The following ADAMTSL1 variants were observed in gnomAD, a reference collection of about 807,000 sequenced individuals.
ADAMTSL1 encodes ADAMTS like 1.
ADAMTSL1 carries 126 observed loss-of-function variants against 201.8 expected under a neutral mutation model. The observed-to-expected ratio is 0.62, with a 90% confidence interval of 0.54 to 0.72. The LOEUF is 0.72. Among genes scored for constraint, ADAMTSL1 ranks in the 30% least tolerant of loss-of-function variants. ADAMTSL1 has a pLI of 0.00. For synonymous variants in ADAMTSL1, 1,121 were observed against 903.4 expected (o/e 1.24, Z -4.32); for missense variants, 2,679 against 2,277.8 (o/e 1.18, Z -3.59).
intron 2 of ADAMTSL1, among the ~76,000 whole-genome samples, chr9:18,375,417 C>G (rs974750108): frequency 6.6e-6 from 1 of 152,038 alleles, no homozygotes; most frequent in Admixed American, 6.6e-5. Flanking sequence ...CTTTACCTGC[C>G]TTAGGTAGAC....
chr9:18,173,823 G>T (rs557617340), intron 2 of ADAMTSL1, among the ~76,000 whole-genome samples: 6 of 152,000 alleles, frequency 3.9e-5, no homozygotes, highest in Non-Finnish European at 7.4e-5. Flanking sequence ...GCATTTTCAC[G>T]TTTCATATTG....
intron 2 of ADAMTSL1, among the ~76,000 whole-genome samples, chr9:18,275,096 A>G (rs184709687): frequency 6.6e-6 from 1 of 152,138 alleles, no homozygotes; most frequent in South Asian, 2.1e-4. Flanking sequence ...TCTGGGCAAA[A>G]TTTGTATTTG....
At chr9:18,457,672 T>C (rs1170558337) in intron 2 of ADAMTSL1, among the ~76,000 whole-genome samples, 1 of 152,158 alleles carries the variant, frequency 6.6e-6, no homozygotes, top group East Asian at 1.9e-4. Flanking sequence ...CTTCCAGAAC[T>C]TCCCTTCCTG....
intron 20 of ADAMTSL1, chr9:18,796,888 T>G (rs1433825): frequency 0.12 from 18,576 of 152,228 alleles, 1,629 homozygotes; most frequent in African/African-American, 0.24. Flanking sequence ...CTGACATCTT[T>G]CCACTTGCTG....
At chr9:18,469,702 C>A (rs6475220), upstream of ADAMTSL1, among the ~76,000 whole-genome samples, 81,232 of 152,134 alleles carry the variant, frequency 0.53, 21,798 homozygotes, top group Admixed American at 0.55. Context: ...CACCTGCAAA[C>A]ATAGCAACTG....
upstream of ADAMTSL1, among the ~76,000 whole-genome samples, chr9:18,473,611 T>G (rs1293238041): frequency 1.3e-5 from 2 of 152,200 alleles, no homozygotes; most frequent in East Asian, 3.9e-4. Flanking sequence ...AGGAACTTTA[T>G]GGAGGCGAAA....
At chr9:18,417,886 G>A (rs907268240) in intron 2 of ADAMTSL1, among the ~76,000 whole-genome samples, 2 of 152,120 alleles carry the variant, frequency 1.3e-5, no homozygotes, top group African/African-American at 4.8e-5. Context: ...AAGCCAGAAT[G>A]AGGCTGATAC....
At chr9:18,131,392 G>A (rs970196731) in intron 1 of ADAMTSL1, among the ~76,000 whole-genome samples, 18 of 152,148 alleles carry the variant, frequency 1.2e-4, no homozygotes, top group Admixed American at 6.6e-5. Context: ...CAGCATTACT[G>A]AAGTCAAGGT....
At chr9:18,293,664 G>A (rs1833361641) in intron 2 of ADAMTSL1, among the ~76,000 whole-genome samples, 1 of 152,224 alleles carries the variant, frequency 6.6e-6, no homozygotes, top group Admixed American at 6.5e-5. Flanking sequence ...CACTTCATAT[G>A]CAATTTGGCC....
chr9:18,780,600 C>A (rs1158431246), intron 19 of ADAMTSL1, among the ~76,000 whole-genome samples: 1 of 152,118 alleles, frequency 6.6e-6, no homozygotes, highest in Non-Finnish European at 1.5e-5. Flanking sequence ...AAGCCTCCCT[C>A]TTCCCCCCAA....
chr9:18,404,934 T>C (rs1397733773), intron 2 of ADAMTSL1, among the ~76,000 whole-genome samples: 3 of 152,176 alleles, frequency 2.0e-5, no homozygotes, highest in African/African-American at 7.2e-5. Context: ...GGTTCATCTC[T>C]CTCTGTCTCT....
At chr9:18,585,222 A>C (rs1823405496) in intron 4 of ADAMTSL1, among the ~76,000 whole-genome samples, 1 of 152,130 alleles carries the variant, frequency 6.6e-6, no homozygotes, top group Non-Finnish European at 1.5e-5. Flanking sequence ...TTGCTATTCC[A>C]TTTATGAAGT....
chr9:18,891,423 T>TC (rs1829263848), intron 25 of ADAMTSL1, among the ~76,000 whole-genome samples: 1 of 152,190 alleles, frequency 6.6e-6, no homozygotes, highest in Non-Finnish European at 1.5e-5. Context: ...TCTCGCGATT[T>TC]CCCCAAGCTC....
At chr9:18,211,286 G>A (rs906430840) in intron 2 of ADAMTSL1, among the ~76,000 whole-genome samples, 6 of 151,534 alleles carry the variant, frequency 4.0e-5, no homozygotes, top group African/African-American at 1.5e-4. Context: ...TTTTGTGATC[G>A]TGACCACCCA....
chr9:17,946,472 A>G (rs1043669503), intron 1 of ADAMTSL1, among the ~76,000 whole-genome samples: 1 of 152,124 alleles, frequency 6.6e-6, no homozygotes, highest in Admixed American at 6.6e-5. Context: ...TTTAGAAGAC[A>G]TTCTTTACTA....
intron 1 of ADAMTSL1, among the ~76,000 whole-genome samples, chr9:17,984,701 C>A (rs1371105894): frequency 6.6e-6 from 1 of 152,114 alleles, no homozygotes; most frequent in Admixed American, 6.5e-5. Flanking sequence ...GGATCCTAGG[C>A]TTGCAAGATT....
At chr9:17,933,371 C>T (rs968593669) in intron 1 of ADAMTSL1, among the ~76,000 whole-genome samples, 2 of 152,106 alleles carry the variant, frequency 1.3e-5, no homozygotes, top group Non-Finnish European at 2.9e-5. Flanking sequence ...AAGATAATCT[C>T]CTCATCTGAA....
At chr9:18,410,724 T>G (rs1818401923) in intron 2 of ADAMTSL1, among the ~76,000 whole-genome samples, 1 of 152,232 alleles carries the variant, frequency 6.6e-6, no homozygotes, top group Admixed American at 6.5e-5. Context: ...TGCATTCCTT[T>G]GGGTATATAC....
chr9:18,598,703 G>A (rs866583715), intron 4 of ADAMTSL1, among the ~76,000 whole-genome samples: 3 of 152,100 alleles, frequency 2.0e-5, no homozygotes, highest in Non-Finnish European at 4.4e-5. Context: ...GAAATGCCGA[G>A]TGCAAACCCA....
Sources: allele counts gnomAD v4.1 joint callset (sites outside exome capture counted in the v4.1 genomes callset), GRCh38; gene constraint gnomAD v4.1.1; transcripts MANE v1.5; gene names NCBI Gene and HGNC (gene_info 2026-07-23, HGNC 2026-07-21).